Variants in SYNDIG1 observed in about 807,000 individuals in gnomAD.
SYNDIG1 encodes the protein synapse differentiation inducing 1, also known as synapse differentiation-inducing gene protein 1.
A neutral mutation model predicts 19.4 loss-of-function variants in SYNDIG1; 9 were observed. That is an observed-to-expected ratio of 0.46 (90% CI 0.28 to 0.81). The LOEUF is 0.81. SYNDIG1 is among the 30% of genes least tolerant of loss of function. SYNDIG1 has a pLI of 0.12. For missense variants in SYNDIG1, 311 were observed against 343.3 expected, an observed-to-expected ratio of 0.91 and a Z score of 0.74; for synonymous variants, 141 against 145.9, an observed-to-expected ratio of 0.97 and a Z score of 0.24.
intron 3 of SYNDIG1, among the ~76,000 whole-genome samples, chr20:24,611,456 C>T (rs2058846469): frequency 6.6e-6 from 1 of 152,194 alleles, no homozygotes; most frequent in African/African-American, 2.4e-5. Flanking sequence ...TTGCTGGAGG[C>T]TGGTGGCCCT....
At chr20:24,530,347 G>A (rs1450281392) in intron 1 of SYNDIG1, among the ~76,000 whole-genome samples, 1 of 152,184 alleles carries the variant, frequency 6.6e-6, no homozygotes, top group African/African-American at 2.4e-5. Flanking sequence ...TTTGTGAACA[G>A]GAAGTCCCAG....
At chr20:24,604,437 G>A (rs963151716) in intron 3 of SYNDIG1, among the ~76,000 whole-genome samples, 2 of 152,156 alleles carry the variant, frequency 1.3e-5, no homozygotes, top group African/African-American at 4.8e-5. Context: ...CCAAGATAGC[G>A]ACAAAAGTGA....
chr20:24,645,747 G>A (rs941988774), intron 3 of SYNDIG1, among the ~76,000 whole-genome samples: 1 of 152,246 alleles, frequency 6.6e-6, no homozygotes, highest in Admixed American at 6.5e-5. Context: ...ACCAGTATAT[G>A]TGGCTACCAT....
At chr20:24,657,996 T>A (rs993707244) in intron 3 of SYNDIG1, among the ~76,000 whole-genome samples, 12 of 152,070 alleles carry the variant, frequency 7.9e-5, no homozygotes, top group Non-Finnish European at 1.8e-4. Flanking sequence ...GAGGCAGGTG[T>A]CTGGCGAGGG....
intron 1 of SYNDIG1, among the ~76,000 whole-genome samples, chr20:24,494,280 C>G (rs1182361461): frequency 6.6e-6 from 1 of 152,158 alleles, no homozygotes; most frequent in Non-Finnish European, 1.5e-5. Flanking sequence ...CGCACAGTGT[C>G]AGGGAAGCTG....
chr20:24,489,665 A>G (rs541115616), intron 1 of SYNDIG1, among the ~76,000 whole-genome samples: 6 of 152,298 alleles, frequency 3.9e-5, no homozygotes, highest in African/African-American at 1.4e-4. Flanking sequence ...ACACACTTAT[A>G]TGGACACAGA....
chr20:24,634,600 A>C (rs774699864), intron 3 of SYNDIG1, among the ~76,000 whole-genome samples: 2 of 152,160 alleles, frequency 1.3e-5, no homozygotes, highest in Non-Finnish European at 2.9e-5. Flanking sequence ...TTTGTGTTTC[A>C]TTGGTTACTA....
intron 1 of SYNDIG1, among the ~76,000 whole-genome samples, chr20:24,530,867 G>A (rs2057244134): frequency 6.6e-6 from 1 of 150,794 alleles, no homozygotes; most frequent in African/African-American, 2.5e-5. Flanking sequence ...GGAGAGCAGT[G>A]GTGCAATCTC....
chr20:24,583,395 G>A (rs918108675), intron 2 of SYNDIG1, among the ~76,000 whole-genome samples: 5 of 152,228 alleles, frequency 3.3e-5, no homozygotes, highest in East Asian at 1.9e-4. Context: ...TCCAGCTTGC[G>A]GCAGGAGGCC....
intron 2 of SYNDIG1, among the ~76,000 whole-genome samples, chr20:24,579,621 A>G (rs1402057066): frequency 2.0e-5 from 3 of 152,298 alleles, no homozygotes; most frequent in African/African-American, 7.2e-5. Flanking sequence ...GCTCCTGAGC[A>G]TGTGGTGTCA....
At chr20:24,494,146 G>T (rs1477430877) in intron 1 of SYNDIG1, among the ~76,000 whole-genome samples, 1 of 152,150 alleles carries the variant, frequency 6.6e-6, no homozygotes, top group Non-Finnish European at 1.5e-5. Flanking sequence ...AGGGAAGAGG[G>T]CCGGGGGCGG....
At chr20:24,645,706 G>T (rs1176378857) in intron 3 of SYNDIG1, among the ~76,000 whole-genome samples, 2 of 152,236 alleles carry the variant, frequency 1.3e-5, no homozygotes, top group Non-Finnish European at 2.9e-5. Context: ...GCTGAGAGAG[G>T]CGGAGGCTGG....
intron 2 of SYNDIG1, among the ~76,000 whole-genome samples, chr20:24,552,559 T>C (rs1211892283): frequency 1.0e-5 from 1 of 97,742 alleles, no homozygotes; most frequent in Admixed American, 1.2e-4. Context: ...CATGAGATGT[T>C]TGTTTTTTTT....
At chr20:24,607,218 G>A (rs2058769053) in intron 3 of SYNDIG1, among the ~76,000 whole-genome samples, 1 of 152,004 alleles carries the variant, frequency 6.6e-6, no homozygotes, top group South Asian at 2.1e-4. Flanking sequence ...AAATTAGCTG[G>A]GTGTGGTGGC....
chr20:24,547,180 A>G (rs1470127081), intron 2 of SYNDIG1, among the ~76,000 whole-genome samples: 1 of 152,058 alleles, frequency 6.6e-6, no homozygotes, highest in Non-Finnish European at 1.5e-5. Flanking sequence ...CCTGGTTCTG[A>G]GCGGGGCTCC....
intron 1 of SYNDIG1, among the ~76,000 whole-genome samples, chr20:24,528,142 A>C (rs1365871449): frequency 6.6e-6 from 1 of 152,208 alleles, no homozygotes; most frequent in East Asian, 1.9e-4. Flanking sequence ...GTAACAAGAG[A>C]ATCTCTCAGA....
chr20:24,561,477 G>A (rs1310829420), intron 2 of SYNDIG1, among the ~76,000 whole-genome samples: 1 of 152,128 alleles, frequency 6.6e-6, no homozygotes, highest in Non-Finnish European at 1.5e-5. Context: ...TTCCAGCAGT[G>A]AAGTTCCTGG....
chr20:24,661,351 G>GGA, intron 3 of SYNDIG1, among the ~76,000 whole-genome samples: 1 of 84,914 alleles, frequency 1.2e-5, no homozygotes, highest in Admixed American at 1.2e-4. Context: ...AGGAGGGAGA[G>GGA]AGGAGGGAGG....
chr20:24,665,449 A>C lies in SYNDIG1; in HGVS notation c.722A>C (p.Tyr241Ser). Residue 241 changes from tyrosine to serine, a missense_variant, in exon 4 of 4, where the codon TAT becomes TCT. By Grantham distance (144) the Tyr-to-Ser change is moderately radical. Transcript: ENST00000376862. The part of the protein sequence containing the change: ...VLSITIGTGV[Y>S]VGVAVALIAY... Reference sequence around the variant, plus strand: ...TCCATCACCATTGGGACTGGCGTCTATGTGGGCGTGGCCGTGGCCCTCATC... The same window carrying C: ...TCCATCACCATTGGGACTGGCGTCTCTGTGGGCGTGGCCGTGGCCCTCATC... 1.2e-6 allele frequency: 2 copies of C among 1,613,934 alleles called. No individual in the cohort carries two copies. The highest frequency in any genetic ancestry group is 1.7e-6 in the Non-Finnish European group (2 of 1,179,968).
Sources: allele counts gnomAD v4.1 joint callset (sites outside exome capture counted in the v4.1 genomes callset), GRCh38; gene constraint gnomAD v4.1.1; transcripts MANE v1.5; gene names NCBI Gene and HGNC (gene_info 2026-07-23, HGNC 2026-07-21).